The following FAM120C variants were observed in gnomAD, a reference collection of about 807,000 sequenced individuals.
FAM120C encodes the protein family with sequence similarity 120 member C.
A neutral mutation model predicts 71.2 loss-of-function variants in FAM120C; 14 were observed. The observed-to-expected ratio is 0.20, with a 90% CI of 0.13 to 0.31. FAM120C has a LOEUF of 0.31. Among genes scored for constraint, FAM120C ranks in the 10% least tolerant of loss-of-function variants. The probability of loss-of-function intolerance (pLI) is 1.00; values close to 1 mark genes in which losing one functional copy is unlikely to be tolerated. For missense variants in FAM120C, 500 were observed against 879.0 expected, an observed-to-expected ratio of 0.57 and a Z score of 5.45; for synonymous variants, 354 against 353.2, an observed-to-expected ratio of 1.00 and a Z score of -0.03.
At chrX:54,152,966 C>G (rs914130127) in intron 3 of FAM120C, among the ~76,000 whole-genome samples, 4 of 111,787 alleles carry the variant, frequency 3.6e-5, no homozygotes, top group Non-Finnish European at 7.5e-5. Flanking sequence ...GAGGCGGAGG[C>G]TGGCGGATCA....
intron 4 of FAM120C, among the ~76,000 whole-genome samples, chrX:54,150,751 C>T (rs782797939): frequency 1.8e-5 from 2 of 110,108 alleles, no homozygotes; most frequent in African/African-American, 6.6e-5. Context: ...ATTACTTTAC[C>T]GATTTATTTT....
At chrX:54,082,235 T>C (rs1327725744) in intron 13 of FAM120C, among the ~76,000 whole-genome samples, 4 of 107,667 alleles carry the variant, frequency 3.7e-5, no homozygotes, top group Non-Finnish European at 7.7e-5. Flanking sequence ...GGTGTCATGA[T>C]GGAAGCACAT....
intron 1 of FAM120C, among the ~76,000 whole-genome samples, chrX:54,167,683 G>T (rs1557135333): frequency 9.0e-6 from 1 of 110,538 alleles, no homozygotes; most frequent in Non-Finnish European, 1.9e-5. Context: ...GAACTCAGGG[G>T]AGGCCGGGTG....
At chrX:54,132,361 A>G (rs1557129522) in intron 9 of FAM120C, among the ~76,000 whole-genome samples, 1 of 109,327 alleles carries the variant, frequency 9.1e-6, no homozygotes, top group East Asian at 2.9e-4. Flanking sequence ...CATTTTTTCT[A>G]GTGATGGAGT....
chrX:54,095,219 T>TTA (rs1200080275), intron 10 of FAM120C, among the ~76,000 whole-genome samples: 1 of 111,804 alleles, frequency 8.9e-6, no homozygotes, highest in Non-Finnish European at 1.9e-5. Flanking sequence ...TCTCCTTTTA[T>TTA]TATATATTAC....
intron 3 of FAM120C, among the ~76,000 whole-genome samples, chrX:54,151,579 T>C (rs1232306732): frequency 8.9e-6 from 1 of 111,966 alleles, no homozygotes; most frequent in Non-Finnish European, 1.9e-5. Flanking sequence ...TAAAAACATA[T>C]CATCCATCTT....
chrX:54,093,520 T>C (rs1044296089), intron 10 of FAM120C, among the ~76,000 whole-genome samples: 14 of 111,802 alleles, frequency 1.3e-4, no homozygotes, highest in African/African-American at 4.2e-4. Context: ...TTTAAATGTC[T>C]CTCTAACCTT....
At chrX:54,099,188 G>A (rs1487921142) in intron 10 of FAM120C, among the ~76,000 whole-genome samples, 2 of 108,926 alleles carry the variant, frequency 1.8e-5, no homozygotes, top group Non-Finnish European at 3.8e-5. Context: ...GCTTTTTAAA[G>A]ATTTTTTTGT....
At chrX:54,098,144 T>C (rs782038006) in intron 10 of FAM120C, among the ~76,000 whole-genome samples, 1 of 105,235 alleles carries the variant, frequency 9.5e-6, no homozygotes, top group Admixed American at 1.0e-4. Context: ...CGGGTTCAAG[T>C]GATTCTCCTG....
rs925871088 is a variant in FAM120C, at chrX:54,072,779, A to G, written c.*254T>C. ...AGGAGATAAATAAACTATTGGTGCT[A>G]TATCTTCAATTTGAGACTAGGACCT... is the stretch of plus-strand genomic sequence containing the variant. On this transcript the variant is annotated 3_prime_UTR_variant, in exon 16 of 16. Transcript: ENST00000375180. The G allele has an allele frequency of 3.4e-4, 104 of 303,925 alleles. No individual in the cohort carries two copies. The highest frequency in any genetic ancestry group is 5.7e-5 in the Non-Finnish European group (10 of 175,006). The allele number at this position is 303,925 out of a possible 1,213,427, so 25.0% of individuals were successfully genotyped here.
intron 15 of FAM120C, among the ~76,000 whole-genome samples, chrX:54,079,536 C>G (rs1420167682): frequency 8.9e-6 from 1 of 112,208 alleles, no homozygotes; most frequent in African/African-American, 3.2e-5. Context: ...CGGTGGCTCA[C>G]GCCTGTAATC....
chrX:54,080,392 C>T, intron 14 of FAM120C, 103 bp from the exon 15 acceptor site: 1 of 596,988 alleles, frequency 1.7e-6, no homozygotes, highest in Non-Finnish European at 2.8e-6. Flanking sequence ...TGACCCTCTT[C>T]AGTCAGATGC....
At chrX:54,148,920 CGTT>C (rs2067170823) in intron 4 of FAM120C, among the ~76,000 whole-genome samples, 1 of 111,467 alleles carries the variant, frequency 9.0e-6, no homozygotes, top group Non-Finnish European at 1.9e-5. Context: ...TTTCAAAACA[CGTT>C]GTATGCAATA....
chrX:54,147,042 G>A (rs192568647), intron 4 of FAM120C, among the ~76,000 whole-genome samples: 25 of 108,839 alleles, frequency 2.3e-4, no homozygotes, highest in Admixed American at 2.1e-3. Flanking sequence ...CAGGCCGGGC[G>A]TGGTGGCTCA....
At chrX:54,089,686 G>C (rs1378629910) in intron 11 of FAM120C, among the ~76,000 whole-genome samples, 2 of 111,133 alleles carry the variant, frequency 1.8e-5, no homozygotes, top group Non-Finnish European at 3.8e-5. Context: ...CACTAGCCGG[G>C]CATGGTGGCT....
At chrX:54,104,934 A>G (rs782462412) in intron 10 of FAM120C, among the ~76,000 whole-genome samples, 13 of 111,812 alleles carry the variant, frequency 1.2e-4, no homozygotes, top group East Asian at 5.6e-4. Flanking sequence ...CTAACCAAAA[A>G]AAGTCCAGGG....
chrX:54,076,729 GTATT>G (rs1307548075), intron 15 of FAM120C, among the ~76,000 whole-genome samples: 3 of 111,936 alleles, frequency 2.7e-5, no homozygotes, highest in Admixed American at 9.5e-5. Context: ...GTTCCTGTAA[GTATT>G]CAATGAGACA....
At position 54,092,216 on chromosome X, in the gene FAM120C, G is replaced by A. The variant is rs1159965684; in HGVS notation, c.2313-790C>T. ...ATTTGCCCTGCTCTTTTTACAGGGT[G>A]GTTGTGAGGATTAAATAGGGTTACT... On this transcript the variant is annotated intron_variant, in intron 10 of 15. Transcript: ENST00000375180. 4.5e-5 allele frequency among the ~76,000 whole-genome samples: 5 copies of A among 110,809 alleles called. 1 individual carries two copies. Among genetic ancestry groups the A allele is most frequent in the African/African-American group, 1.6e-4 (5 of 30,485 alleles).
chrX:54,100,227 C>A (rs1178856650), intron 10 of FAM120C, among the ~76,000 whole-genome samples: 4 of 109,866 alleles, frequency 3.6e-5, no homozygotes, highest in Non-Finnish European at 7.6e-5. Flanking sequence ...CGCGGTGGCT[C>A]ATGCCTGTAA....
Sources: gnomAD v4.1 joint callset for allele counts (sites outside exome capture counted in the v4.1 genomes callset) on GRCh38, gnomAD v4.1.1 for gene constraint, MANE v1.5 for transcripts, NCBI Gene and HGNC (gene_info 2026-07-23, HGNC 2026-07-21) for gene names.